Variants in JPH1 observed in about 807,000 individuals in gnomAD.
JPH1 encodes junctophilin-1.
A neutral mutation model predicts 53.6 loss-of-function variants in JPH1; 12 were observed. That is an observed-to-expected ratio of 0.22 (90% CI 0.14 to 0.36). JPH1 has a LOEUF of 0.36. Ranked by LOEUF, JPH1 falls within the 10% of genes least tolerant of loss-of-function variation. JPH1 has a pLI of 1.00. For synonymous variants in JPH1, 375 were observed against 363.8 expected, an observed-to-expected ratio of 1.03 and a Z score of -0.35; for missense variants, 808 against 905.5, an observed-to-expected ratio of 0.89 and a Z score of 1.38.
At chr8:74,309,983 T>C (rs16938869) in intron 2 of JPH1, among the ~76,000 whole-genome samples, 9,496 of 152,282 alleles carry the variant, frequency 0.062, 1,002 homozygotes, top group African/African-American at 0.22. Context: ...TATAAGGCTC[T>C]AGTTATAGTT....
At chr8:74,299,078 C>T (rs1167414441) in intron 2 of JPH1, among the ~76,000 whole-genome samples, 3 of 152,128 alleles carry the variant, frequency 2.0e-5, no homozygotes, top group Non-Finnish European at 4.4e-5. Context: ...TCTCCTCGGG[C>T]TGTACATCAT....
chr8:74,287,055 G>A (rs992335741), intron 2 of JPH1, among the ~76,000 whole-genome samples: 7 of 152,180 alleles, frequency 4.6e-5, no homozygotes, highest in Non-Finnish European at 8.8e-5. Context: ...CAACTCTCAA[G>A]AGCTGAAACA....
In JPH1 at chr8:74,321,466, G is replaced by T. The variant is rs1808325379; in HGVS notation, c.-179C>A. On this transcript the variant is annotated 5_prime_UTR_variant, in exon 1 of 6. Transcript: ENST00000342232. This position sits in a 1 kb window ranked among gnomAD's most constrained non-coding sequence, Gnocchi z 4.3. ...CCCCCGTCCTCCCTCCTCTTTTGCC[G>T]CCGCCACCGCCGCCTTCCTCCTCCT... The T allele has an allele frequency of 1.9e-6, 1 of 534,064 alleles. No individual in the cohort carries two copies. Among genetic ancestry groups the T allele is most frequent in the Non-Finnish European group, 3.0e-6 (1 of 330,900 alleles). 33.1% of individuals were successfully genotyped at this position (534,064 alleles called of 1,614,324 possible). A position where few individuals can be genotyped will look rare whatever the true frequency, so the allele number is the denominator to read the frequency against.
intron 2 of JPH1, among the ~76,000 whole-genome samples, chr8:74,288,680 T>C (rs1195451724): frequency 6.6e-6 from 1 of 152,210 alleles, no homozygotes; most frequent in Non-Finnish European, 1.5e-5. Flanking sequence ...CCATGGACAA[T>C]TTCTCAAGAG....
intron 2 of JPH1, among the ~76,000 whole-genome samples, chr8:74,308,244 C>T (rs1807895064): frequency 1.3e-5 from 2 of 152,198 alleles, no homozygotes; most frequent in African/African-American, 2.4e-5. Flanking sequence ...GAATCTCTTA[C>T]ATGTATCACT....
chr8:74,263,622 A>T (rs1158309911), intron 2 of JPH1, among the ~76,000 whole-genome samples: 2 of 152,172 alleles, frequency 1.3e-5, no homozygotes, highest in Non-Finnish European at 2.9e-5. Flanking sequence ...CCTTCGGAGT[A>T]TATTCCCCCT....
rs988800347 is a variant in JPH1 at position 74,320,376 on chromosome 8, G to T, written c.379+533C>A. ...AATTCCCCAACATCCTAGTTACGGG[G>T]TTCTGGCTTCTATCTTTAGGCTACT... is the stretch of plus-strand genomic sequence containing the variant. On this transcript the variant is annotated intron_variant, in intron 1 of 5. Transcript: ENST00000342232. The surrounding 1 kb of genome is among the most constrained non-coding windows in gnomAD (Gnocchi z 4.4). Among the ~76,000 whole-genome samples, 10 of 152,276 alleles carry T rather than the reference G, an allele frequency of 6.6e-5. No individual in the cohort carries two copies. Among genetic ancestry groups the T allele is most frequent in the African/African-American group, 2.4e-4 (10 of 41,546 alleles).
chr8:74,236,976 G>T lies in JPH1; in HGVS notation c.*75C>A. The T allele has an allele frequency of 2.7e-6, 1 of 372,874 alleles. No individual in the cohort carries two copies. Among genetic ancestry groups the T allele is most frequent in the Non-Finnish European group, 4.9e-6 (1 of 206,130 alleles). The allele number at this position is 372,874 out of a possible 1,614,324, so 23.1% of individuals were successfully genotyped here. ...TCTGCCTGGGGTGGGCCATTTAAAG[G>T]GCTGACGGCACCACTGCAGAGAACT... On this transcript the variant is annotated 3_prime_UTR_variant, in exon 6 of 6. Coordinates refer to ENST00000342232, the MANE Select transcript of JPH1 (RefSeq NM_020647.4).
chr8:74,248,259 A>C (rs1425105072), intron 3 of JPH1, among the ~76,000 whole-genome samples: 2 of 152,244 alleles, frequency 1.3e-5, no homozygotes, highest in African/African-American at 4.8e-5. Context: ...CAAAGAATTT[A>C]CTAGAATGGT....
At chr8:74,260,713 G>A (rs905792644) in intron 2 of JPH1, among the ~76,000 whole-genome samples, 5 of 152,220 alleles carry the variant, frequency 3.3e-5, no homozygotes, top group African/African-American at 4.8e-5. Flanking sequence ...ACCAAAACAC[G>A]GAGGCACCGG....
chr8:74,252,348 T>C (rs1806090854), intron 3 of JPH1, among the ~76,000 whole-genome samples: 1 of 152,168 alleles, frequency 6.6e-6, no homozygotes, highest in African/African-American at 2.4e-5. Context: ...AAAGAGCTTC[T>C]GCACAGCAAA....
intron 2 of JPH1, among the ~76,000 whole-genome samples, chr8:74,270,447 C>G (rs1247504927): frequency 6.6e-6 from 1 of 152,094 alleles, no homozygotes; most frequent in Non-Finnish European, 1.5e-5. Context: ...CATCCCAATA[C>G]TCAACAGATA....
At chr8:74,241,070 G>A (rs1422550076) in intron 4 of JPH1, among the ~76,000 whole-genome samples, 2 of 151,742 alleles carry the variant, frequency 1.3e-5, no homozygotes, top group African/African-American at 4.8e-5. Flanking sequence ...TCTTTTGCAC[G>A]CATACACACA....
In JPH1 at chr8:74,235,761, T is replaced by A. The variant is rs1806981428; in HGVS notation, c.*1290A>T. 6.6e-6 allele frequency: 1 copy of A among 152,564 alleles called. No individual in the cohort carries two copies. The allele number at this position is 152,564 out of a possible 1,614,324, so 9.5% of individuals were successfully genotyped here. On this transcript the variant is annotated 3_prime_UTR_variant, in exon 6 of 6. Transcript: ENST00000342232. ...ACAAAAGACTGTAAAAGACACATATTTAAAATAAAAATGTCTAAGCCTTTA... is the reference window on the plus strand; with the variant it reads ...ACAAAAGACTGTAAAAGACACATATATAAAATAAAAATGTCTAAGCCTTTA...
rs137907665 is a variant in JPH1 at position 74,235,234 on chromosome 8, C to T, written c.*1817G>A. The T allele has an allele frequency of 6.5e-6, 1 of 152,672 alleles. No homozygotes were observed. Among genetic ancestry groups the T allele is most frequent in the African/African-American group, 2.4e-5 (1 of 41,548 alleles). The allele number at this position is 152,672 out of a possible 1,614,324, so 9.5% of individuals were successfully genotyped here. A position where few individuals can be genotyped will look rare whatever the true frequency, so the allele number is the denominator to read the frequency against. ...CGCAGGAACTTTAAACATTTGTTCTCAGGTAAAAACGGACTTCCTAAATTT... is the reference window on the plus strand; with the variant it reads ...CGCAGGAACTTTAAACATTTGTTCTTAGGTAAAAACGGACTTCCTAAATTT... On this transcript the variant is annotated 3_prime_UTR_variant, in exon 6 of 6. Transcript: ENST00000342232.
intron 2 of JPH1, among the ~76,000 whole-genome samples, chr8:74,272,600 CTTTTTTTTT>C (rs765158506): frequency 6.2e-5 from 7 of 112,684 alleles, no homozygotes; most frequent in Non-Finnish European, 7.3e-5. Context: ...ACCCTTAGTT[CTTTTTTTTT>C]TTTTTTTTTT....
At chr8:74,279,731 G>C (rs1407836003) in intron 2 of JPH1, among the ~76,000 whole-genome samples, 1 of 152,188 alleles carries the variant, frequency 6.6e-6, no homozygotes, top group Non-Finnish European at 1.5e-5. Flanking sequence ...AAGTGTGTAT[G>C]TTCTGGCTTA....
chr8:74,303,950 C>A (rs1807757697), intron 2 of JPH1, among the ~76,000 whole-genome samples: 1 of 151,828 alleles, frequency 6.6e-6, no homozygotes, highest in Non-Finnish European at 1.5e-5. Flanking sequence ...ACACCCTACA[C>A]CTAGCACTCT....
chr8:74,263,583 T>C (rs2131397872), intron 2 of JPH1, among the ~76,000 whole-genome samples: 1 of 152,280 alleles, frequency 6.6e-6, no homozygotes, highest in African/African-American at 2.4e-5. Context: ...ACACACCATA[T>C]CCACTGTCAG....
Sources: allele counts gnomAD v4.1 joint callset (sites outside exome capture counted in the v4.1 genomes callset), GRCh38; gene constraint gnomAD v4.1.1; non-coding constraint Gnocchi (gnomAD v3.1); transcripts MANE v1.5; gene names NCBI Gene and HGNC (gene_info 2026-07-23, HGNC 2026-07-21).